The following CA12 variants were observed in gnomAD, a reference collection of about 807,000 sequenced individuals.
CA12 encodes the protein carbonate dehydratase XII.
CA12 carries 36 observed loss-of-function variants against 46.8 expected under a neutral mutation model. The observed-to-expected ratio is 0.77, with a 90% CI of 0.59 to 1.02. The LOEUF is 1.02. Ranked by LOEUF, CA12 falls within the 50% of genes least tolerant of loss-of-function variation. The pLI, the probability that CA12 is intolerant of heterozygous loss-of-function variation, is 0.00. For synonymous variants in CA12, 202 were observed against 187.0 expected (o/e 1.08, Z -0.65); for missense variants, 436 against 451.4 (o/e 0.97, Z 0.31).
chr15:63,372,867 G>T lies in CA12; in HGVS notation c.106+2791C>A, dbSNP rs2039524661. On this transcript the variant is annotated intron_variant, in intron 2 of 10. Coordinates refer to ENST00000178638, the MANE Select transcript of CA12 (RefSeq NM_001218.5). The surrounding 1 kb of genome is among the most constrained non-coding windows in gnomAD (Gnocchi z 4.5). ...ACTAATAAAAACCAGACTTGCCTTT[G>T]TGCTTACCCCATGCATGTCCATGCA... Among the ~76,000 whole-genome samples the T allele has an allele frequency of 6.6e-6, 1 of 152,210 alleles. No individual in the cohort carries two copies. The highest frequency in any genetic ancestry group is 1.5e-5 in the Non-Finnish European group (1 of 68,034).
Position 63,341,886 on chromosome 15 carries a change from C to T in CA12, c.525+116G>A, listed in dbSNP as rs73442929. ...AGGATACCCCCTGCTCTGGAGTTGA[C>T]ACGGAGTCGATACAGGAACAGCTGA... is the stretch of plus-strand genomic sequence containing the variant. On this transcript the variant is annotated intron_variant, in intron 5 of 10. Transcript: ENST00000178638. This position sits in a 1 kb window ranked among gnomAD's most constrained non-coding sequence, Gnocchi z 5.2. 4,096 of 756,526 alleles carry T rather than the reference C, an allele frequency of 5.4e-3. 137 individuals are homozygous for T. The African/African-American group carries it at 0.063, about 12-fold the overall frequency. 46.9% of individuals were successfully genotyped at this position (756,526 alleles called of 1,614,324 possible).
In CA12 at chr15:63,330,467, C is replaced by T. The variant is rs8039488; in HGVS notation, c.875-2337G>A. Among the ~76,000 whole-genome samples, 2,909 of 152,326 alleles carry T rather than the reference C, an allele frequency of 0.019. 49 individuals carry two copies. Among genetic ancestry groups the T allele is most frequent in the African/African-American group, 0.043 (1,791 of 41,564 alleles). The stretch of plus-strand genomic sequence containing the variant: ...ATGCTTGTGGTGCCAAACCAGTTCT[C>T]GCCACCTGAAGACTATTACTAGGAA... On this transcript the variant is annotated intron_variant, in intron 8 of 10. Transcript: ENST00000178638. The surrounding 1 kb of genome is among the most constrained non-coding windows in gnomAD (Gnocchi z 4.0).
intron 2 of CA12, among the ~76,000 whole-genome samples, chr15:63,361,280 T>C (rs8041909): frequency 0.058 from 8,805 of 152,338 alleles, 759 homozygotes; most frequent in African/African-American, 0.19. Context: ...GAGGCATCTT[T>C]AGCAGTTTGT....
At chr15:63,358,348 TG>T (rs2039318272) in intron 2 of CA12, among the ~76,000 whole-genome samples, 1 of 152,218 alleles carries the variant, frequency 6.6e-6, no homozygotes, top group Admixed American at 6.5e-5. Context: ...AAACTTCAAA[TG>T]ATCATGATCA....
chr15:63,323,900 C>T lies in CA12; in HGVS notation c.*2385G>A, dbSNP rs2038829428. The T allele has an allele frequency of 6.6e-6, 1 of 152,156 alleles. No homozygotes were observed. Among genetic ancestry groups the T allele is most frequent in the Non-Finnish European group, 1.5e-5 (1 of 68,036 alleles). 9.4% of individuals were successfully genotyped at this position (152,156 alleles called of 1,614,324 possible). On this transcript the variant is annotated 3_prime_UTR_variant, in exon 11 of 11. Transcript: ENST00000178638. This position sits in a 1 kb window ranked among gnomAD's most constrained non-coding sequence, Gnocchi z 5.1. The stretch of plus-strand genomic sequence containing the variant: ...TCTCACATGAGTGAGAATCCAGGGC[C>T]TTCCCCTCTGGCCCTGGCCCCAGCC...
Position 63,327,969 on chromosome 15 carries a change from C to A in CA12, c.907+129G>T, listed in dbSNP as rs1208229316. The A allele has an allele frequency of 1.2e-6, 1 of 832,008 alleles. No homozygotes were observed. Among genetic ancestry groups the A allele is most frequent in the Non-Finnish European group, 2.1e-6 (1 of 486,408 alleles). The allele number at this position is 832,008 out of a possible 1,614,324, so 51.5% of individuals were successfully genotyped here. On this transcript the variant is annotated intron_variant, in intron 9 of 10. Coordinates refer to ENST00000178638, the MANE Select transcript of CA12 (RefSeq NM_001218.5). This position sits in a 1 kb window ranked among gnomAD's most constrained non-coding sequence, Gnocchi z 4.5. The stretch of plus-strand genomic sequence containing the variant: ...TCACAGAGCGACTTGAGGGTAAGAC[C>A]CATAGCAAGGAGAGGGCCAGGAGCC...
rs367924206 is a variant in CA12, at chr15:63,327,267, C to T, written c.908-34G>A. The T allele has an allele frequency of 5.8e-5, 90 of 1,555,382 alleles. No homozygotes were observed. The highest frequency in any genetic ancestry group is 7.7e-5 in the Non-Finnish European group (87 of 1,130,406). On this transcript the variant is annotated intron_variant, in intron 9 of 10. Coordinates refer to ENST00000178638, the MANE Select transcript of CA12 (RefSeq NM_001218.5). The surrounding 1 kb of genome is among the most constrained non-coding windows in gnomAD (Gnocchi z 4.5). ...GAGGTAGAGGGCACACATTACATTC[C>T]TTCCTTCCCCTCCATCTTAGCCCAT...
At position 63,365,327 on chromosome 15, in the gene CA12, A is replaced by T. The variant is rs192027345; in HGVS notation, c.106+10331T>A. ...AAAATCCCTGCATTTCCTCAACGGC[A>T]TGAGGTGTAGTGCAGGGCACACAGT... On this transcript the variant is annotated intron_variant, in intron 2 of 10. Coordinates refer to ENST00000178638, the MANE Select transcript of CA12 (RefSeq NM_001218.5). Among the ~76,000 whole-genome samples, 18 of 152,364 alleles carry T rather than the reference A, an allele frequency of 1.2e-4. 1 individual carries two copies. Among genetic ancestry groups the T allele is most frequent in the Admixed American group, 7.8e-4 (12 of 15,304 alleles).
In CA12 at chr15:63,338,852, C is replaced by T. The variant is rs1462607562; in HGVS notation, c.841G>A (p.Asp281Asn). ...AAGGAGGTGTATACCAGCCTCTCAT[C>T]GAACTTCTGGACCTGCCGGAAGTTG... is the stretch of plus-strand genomic sequence containing the variant. ...INNFRQVQKF[D>N]ERLVYTSFSQ... is the part of the protein sequence containing the mutation. Residue 281 changes from aspartate to asparagine, a missense_variant, in exon 8 of 11, where the codon GAT becomes AAT. Coordinates refer to ENST00000178638, the MANE Select transcript of CA12 (RefSeq NM_001218.5). The T allele has an allele frequency of 1.9e-6, 3 of 1,614,052 alleles. No individual in the cohort carries two copies. Among genetic ancestry groups the T allele is most frequent in the East Asian group, 2.2e-5 (1 of 44,900 alleles).
Position 63,328,688 on chromosome 15 carries a change from TTTTG to T in CA12, c.875-562_875-559del, listed in dbSNP as rs758822415. ...GGCTAGGGCAAGACTTCACTTGAGT[TTTTG>T]TTTGTTTGTTTGTTTGTGTTTTTTT... is the stretch of plus-strand genomic sequence containing the variant. On this transcript the variant is annotated intron_variant, in intron 8 of 10. Coordinates refer to ENST00000178638, the MANE Select transcript of CA12 (RefSeq NM_001218.5). This position sits in a 1 kb window ranked among gnomAD's most constrained non-coding sequence, Gnocchi z 5.9. Among the ~76,000 whole-genome samples, 114 of 152,024 alleles carry T rather than the reference TTTTG, an allele frequency of 7.5e-4. No homozygotes were observed. The highest frequency in any genetic ancestry group is 3.4e-4 in the Non-Finnish European group (23 of 67,962).
At position 63,339,800 on chromosome 15, in the gene CA12, T is replaced by G. The variant is rs1306288955; in HGVS notation, c.747+488A>C. On this transcript the variant is annotated intron_variant, in intron 7 of 10. Coordinates refer to ENST00000178638, the MANE Select transcript of CA12 (RefSeq NM_001218.5). The surrounding 1 kb of genome is among the most constrained non-coding windows in gnomAD (Gnocchi z 4.3). Reference sequence around the variant, plus strand: ...ACCCGCGGGTGATCCCACAGACTTCTACTCTTCTCTCTCATCTCCTATCAA... The same window carrying G: ...ACCCGCGGGTGATCCCACAGACTTCGACTCTTCTCTCTCATCTCCTATCAA... 6.6e-6 allele frequency among the ~76,000 whole-genome samples: 1 copy of G among 152,244 alleles called. No individual in the cohort carries two copies. The highest frequency in any genetic ancestry group is 1.5e-5 in the Non-Finnish European group (1 of 68,036).
At chr15:63,367,013 C>T (rs1043967294) in intron 2 of CA12, among the ~76,000 whole-genome samples, 2 of 152,124 alleles carry the variant, frequency 1.3e-5, no homozygotes, top group East Asian at 3.8e-4. Context: ...CCTCTGCCTC[C>T]TAGGTTCCAG....
chr15:63,340,082 G>T lies in CA12; in HGVS notation c.747+206C>A. The T allele has an allele frequency of 1.6e-6, 1 of 627,668 alleles. No individual in the cohort carries two copies. Among genetic ancestry groups the T allele is most frequent in the Non-Finnish European group, 2.8e-6 (1 of 354,302 alleles). The allele number at this position is 627,668 out of a possible 1,614,324, so 38.9% of individuals were successfully genotyped here. ...TCTTTTTTTTAAAAAAGAACTAGGA[G>T]ACATCTATTCATTTGCCTAGCTTGA... On this transcript the variant is annotated intron_variant, in intron 7 of 10. Coordinates refer to ENST00000178638, the MANE Select transcript of CA12 (RefSeq NM_001218.5). The surrounding 1 kb of genome is among the most constrained non-coding windows in gnomAD (Gnocchi z 4.4).
intron 2 of CA12, among the ~76,000 whole-genome samples, chr15:63,371,278 C>A (rs537540513): frequency 6.6e-6 from 1 of 152,282 alleles, no homozygotes; most frequent in South Asian, 2.1e-4. Flanking sequence ...TGGAGGATCT[C>A]CCCCTGATTT....
rs2039127728 is a variant in CA12, at chr15:63,345,016, C to G, written c.429+461G>C. ...AAGGGTGGCCCTAGACCCATGTCCC[C>G]ATGTTCTAAACACAACCCATGCCCA... On this transcript the variant is annotated intron_variant, in intron 4 of 10. Transcript: ENST00000178638. The surrounding 1 kb of genome is among the most constrained non-coding windows in gnomAD (Gnocchi z 4.3). 6.6e-6 allele frequency among the ~76,000 whole-genome samples: 1 copy of G among 152,172 alleles called. No individual in the cohort carries two copies. Among genetic ancestry groups the G allele is most frequent in the South Asian group, 2.1e-4 (1 of 4,834 alleles).
chr15:63,378,720 C>T lies in CA12; in HGVS notation c.85+2916G>A, dbSNP rs2039608331. 6.6e-6 allele frequency: 1 copy of T among 152,128 alleles called. No homozygotes were observed. The highest frequency in any genetic ancestry group is 2.4e-5 in the African/African-American group (1 of 41,406). 9.4% of individuals were successfully genotyped at this position (152,128 alleles called of 1,614,324 possible). On this transcript the variant is annotated intron_variant, in intron 1 of 10. Transcript: ENST00000178638. This position sits in a 1 kb window ranked among gnomAD's most constrained non-coding sequence, Gnocchi z 4.8. ...AGAGGTTCATTATTAAGATGTAATC[C>T]CAGACCTTAGAGATATAATAAGCCA... is the stretch of plus-strand genomic sequence containing the variant.
chr15:63,368,167 A>G (rs193169687), intron 2 of CA12, among the ~76,000 whole-genome samples: 13 of 152,322 alleles, frequency 8.5e-5, no homozygotes, highest in African/African-American at 2.6e-4. Flanking sequence ...TTGCTTCTCA[A>G]TGCAACTGAT....
intron 4 of CA12, among the ~76,000 whole-genome samples, chr15:63,343,786 A>G (rs921316894): frequency 5.4e-5 from 8 of 147,440 alleles, no homozygotes; most frequent in African/African-American, 2.0e-4. Flanking sequence ...AAACCCTGCC[A>G]ATCTACACCC....
chr15:63,363,533 A>G (rs2039394367), intron 2 of CA12, among the ~76,000 whole-genome samples: 1 of 152,214 alleles, frequency 6.6e-6, no homozygotes, highest in Non-Finnish European at 1.5e-5. Flanking sequence ...GAGGGTAAAA[A>G]TGGCTCCTTG....
Sources: allele counts gnomAD v4.1 joint callset (sites outside exome capture counted in the v4.1 genomes callset), GRCh38; gene constraint gnomAD v4.1.1; non-coding constraint Gnocchi (gnomAD v3.1); transcripts MANE v1.5; gene names NCBI Gene and HGNC (gene_info 2026-07-23, HGNC 2026-07-21).